The following CACNA2D4 variants were observed in gnomAD, a reference collection of about 807,000 sequenced individuals.
CACNA2D4 encodes calcium voltage-gated channel auxiliary subunit alpha2delta 4, also known as voltage-dependent calcium channel subunit alpha-2/delta-4.
CACNA2D4 carries 157 observed loss-of-function variants against 163.8 expected under a neutral mutation model. The observed-to-expected ratio is 0.96, with a 90% CI of 0.84 to 1.09. The LOEUF (loss-of-function observed/expected upper bound fraction) is 1.09. Among genes scored for constraint, CACNA2D4 ranks in the 50% least tolerant of loss-of-function variants. CACNA2D4 has a pLI of 0.00. For missense variants in CACNA2D4, 1,410 were observed against 1,479.9 expected (o/e 0.95, Z 0.78); for synonymous variants, 598 against 586.9 (o/e 1.02, Z -0.27).
chr12:1,812,105 T>C (rs1435146785), intron 26 of CACNA2D4, among the ~76,000 whole-genome samples: 1 of 152,188 alleles, frequency 6.6e-6, no homozygotes. Context: ...ACCCACCCTT[T>C]TGACCAAATC....
At chr12:1,898,497 A>T (rs1490707096) in intron 6 of CACNA2D4, among the ~76,000 whole-genome samples, 1 of 152,196 alleles carries the variant, frequency 6.6e-6, no homozygotes, top group African/African-American at 2.4e-5. Context: ...TTAATCATTA[A>T]GGGCATGCAA....
chr12:1,886,320 C>G lies in CACNA2D4; in HGVS notation c.896G>C (p.Ser299Thr). The change falls in exon 8 of 38, where the codon AGC becomes ACC. Residue 299 changes from serine to threonine, a missense_variant. Physicochemically the swap from Ser to Thr is moderately conservative, Grantham distance 58 (BLOSUM62 1). Transcript: ENST00000382722. ...PKDIVILVDV[S>T]GSMKGLRMTI... ...CATCCTCAGCCCCTTCATACTGCCG[C>G]TCACGTCCACCAAAATCACTATGTC... is the stretch of plus-strand genomic sequence containing the variant. 1.2e-6 allele frequency: 2 copies of G among 1,613,922 alleles called. No individual in the cohort carries two copies. Among genetic ancestry groups the G allele is most frequent in the Non-Finnish European group, 1.7e-6 (2 of 1,179,832 alleles).
intron 26 of CACNA2D4, among the ~76,000 whole-genome samples, chr12:1,840,516 T>A (rs1864994852): frequency 6.6e-6 from 1 of 152,156 alleles, no homozygotes; most frequent in South Asian, 2.1e-4. Context: ...TCTCCTAGCC[T>A]CTCTGGGCTT....
chr12:1,899,252 AT>A (rs1398020291), intron 6 of CACNA2D4, among the ~76,000 whole-genome samples: 2 of 152,090 alleles, frequency 1.3e-5, no homozygotes, highest in African/African-American at 4.8e-5. Flanking sequence ...TATGTGTCTC[AT>A]TTAAGAAGTC....
At chr12:1,854,232 T>C (rs1281403527) in intron 22 of CACNA2D4, among the ~76,000 whole-genome samples, 188 bp from the exon 23 acceptor site, 2 of 152,162 alleles carry the variant, frequency 1.3e-5, no homozygotes, top group Non-Finnish European at 2.9e-5. Context: ...CTCCAAAAAA[T>C]ATGTCAGTAC....
At chr12:1,899,407 A>G (rs1290472254) in intron 6 of CACNA2D4, among the ~76,000 whole-genome samples, 1 of 152,120 alleles carries the variant, frequency 6.6e-6, no homozygotes, top group African/African-American at 2.4e-5. Flanking sequence ...CAAAATAAAG[A>G]AATCTATAGG....
intron 26 of CACNA2D4, chr12:1,831,297 C>T (rs1437973503): frequency 1.2e-6 from 2 of 1,613,774 alleles, no homozygotes. Flanking sequence ...GCTGCTCCGC[C>T]ACCTGGACCT....
In CACNA2D4 at chr12:1,826,281, A is replaced by G. The variant is rs556737236; in HGVS notation, c.2551+14458T>C. 1.6e-4 allele frequency among the ~76,000 whole-genome samples: 24 copies of G among 152,106 alleles called. No individual in the cohort carries two copies. In the South Asian group the frequency reaches 4.6e-3, roughly 29 times the overall value. ...CAACTCTCTTCCCTTCACTAGATTG[A>G]TCCTCATAGAAACTCCACCAAGCAG... On this transcript the variant is annotated intron_variant, in intron 26 of 37. Coordinates refer to ENST00000382722, the MANE Select transcript of CACNA2D4 (RefSeq NM_172364.5).
intron 6 of CACNA2D4, among the ~76,000 whole-genome samples, chr12:1,902,082 C>T (rs1866550973): frequency 6.6e-6 from 1 of 152,100 alleles, no homozygotes; most frequent in Admixed American, 6.5e-5. Flanking sequence ...CAATATAATA[C>T]ATCTTACCAA....
chr12:1,906,360 A>G (rs1283198304), intron 6 of CACNA2D4, among the ~76,000 whole-genome samples: 1 of 152,246 alleles, frequency 6.6e-6, no homozygotes, highest in African/African-American at 2.4e-5. Context: ...TCAAAAGACA[A>G]TATGAACAGA....
rs1448617266 is a variant in CACNA2D4 at position 1,917,986 on chromosome 12, T to C, written c.227+261A>G. The C allele has an allele frequency of 1.6e-5, 7 of 424,326 alleles. No individual in the cohort carries two copies. Among genetic ancestry groups the C allele is most frequent in the Non-Finnish European group, 2.5e-5 (6 of 237,700 alleles). 26.3% of individuals were successfully genotyped at this position (424,326 alleles called of 1,614,324 possible). A position where few individuals can be genotyped will look rare whatever the true frequency, so the allele number is the denominator to read the frequency against. ...CAGGCCAGGAAGACAGCAGCCCTGATGATCAGTTCTTCCTAAAGCCATCCG... is the reference window on the plus strand; with the variant it reads ...CAGGCCAGGAAGACAGCAGCCCTGACGATCAGTTCTTCCTAAAGCCATCCG... On this transcript the variant is annotated intron_variant, in intron 1 of 37. Coordinates refer to ENST00000382722, the MANE Select transcript of CACNA2D4 (RefSeq NM_172364.5). The surrounding 1 kb of genome is among the most constrained non-coding windows in gnomAD (Gnocchi z 4.3).
In CACNA2D4 at chr12:1,806,513, A is replaced by C. The variant is rs1200775550; in HGVS notation, c.2721+3765T>G. On this transcript the variant is annotated intron_variant, in intron 29 of 37. Transcript: ENST00000382722. This position sits in a 1 kb window ranked among gnomAD's most constrained non-coding sequence, Gnocchi z 4.1. ...TGTGCAAGGACTTTGTCTGGGAAGA[A>C]TCTTTGCATCTGTAGCTCAACAGGC... is the stretch of plus-strand genomic sequence containing the variant. Among the ~76,000 whole-genome samples the C allele has an allele frequency of 1.3e-5, 2 of 152,170 alleles. No homozygotes were observed. Among genetic ancestry groups the C allele is most frequent in the African/African-American group, 4.8e-5 (2 of 41,458 alleles).
At chr12:1,879,747 G>T in intron 14 of CACNA2D4, 57 bp downstream of exon 14, 2 of 1,353,052 alleles carry the variant, frequency 1.5e-6, no homozygotes, top group Non-Finnish European at 2.1e-6. Flanking sequence ...TCTAAAGATG[G>T]CACTGAAGCC....
intron 6 of CACNA2D4, 142 bp downstream of exon 6, chr12:1,907,298 A>C: frequency 1.5e-6 from 1 of 676,152 alleles, no homozygotes; most frequent in South Asian, 2.0e-5. Flanking sequence ...GAAGGGCTAA[A>C]GTGTGGGCTT....
chr12:1,874,592 C>G lies in CACNA2D4; in HGVS notation c.1878+12G>C. The G allele has an allele frequency of 6.3e-7, 1 of 1,598,896 alleles. No homozygotes were observed. Among genetic ancestry groups the G allele is most frequent in the Non-Finnish European group, 8.6e-7 (1 of 1,166,208 alleles). ...TTCCTAGGCCATGCCCTGGCTGTTT[C>G]TAGCTCCTTACCCCTTTATCCATCG... On this transcript the variant is annotated intron_variant, in intron 18 of 37. Coordinates refer to ENST00000382722, the MANE Select transcript of CACNA2D4 (RefSeq NM_172364.5). The surrounding 1 kb of genome is among the most constrained non-coding windows in gnomAD (Gnocchi z 4.4).
chr12:1,817,178 G>A (rs1456958307), intron 26 of CACNA2D4, among the ~76,000 whole-genome samples: 1 of 152,228 alleles, frequency 6.6e-6, no homozygotes, highest in African/African-American at 2.4e-5. Flanking sequence ...TTAGGTCACA[G>A]AAGGCCAGTG....
chr12:1,874,427 G>T lies in CACNA2D4; in HGVS notation c.1878+177C>A, dbSNP rs1865843156. Reference sequence around the variant, plus strand: ...GAGCAATCCTGTCATTCCCTGGCTAGGTGTTTCTCCAGGGCCAATGCACCC... The same window carrying T: ...GAGCAATCCTGTCATTCCCTGGCTATGTGTTTCTCCAGGGCCAATGCACCC... On this transcript the variant is annotated intron_variant, in intron 18 of 37. Transcript: ENST00000382722. This position sits in a 1 kb window ranked among gnomAD's most constrained non-coding sequence, Gnocchi z 4.4. 6.6e-6 allele frequency among the ~76,000 whole-genome samples: 1 copy of T among 152,180 alleles called. No homozygotes were observed. Among genetic ancestry groups the T allele is most frequent in the South Asian group, 2.1e-4 (1 of 4,832 alleles).
At chr12:1,797,759 C>T (rs1024659714) in intron 34 of CACNA2D4, 1 of 589,110 alleles carries the variant, frequency 1.7e-6, no homozygotes, top group South Asian at 2.0e-5. Context: ...GCCGCAGGGG[C>T]CCTGAGCCTC....
Position 1,874,695 on chromosome 12 carries a change from G to A in CACNA2D4, c.1807-20C>T. On this transcript the variant is annotated intron_variant, in intron 17 of 37. Coordinates refer to ENST00000382722, the MANE Select transcript of CACNA2D4 (RefSeq NM_172364.5). This position sits in a 1 kb window ranked among gnomAD's most constrained non-coding sequence, Gnocchi z 4.4. ...TCTCAGCTTCAGGAGGAAAGACAAT[G>A]GCATTAGTTCCTTGGCTCACAGGGG... The A allele has an allele frequency of 1.7e-5, 26 of 1,573,260 alleles. No homozygotes were observed. The highest frequency in any genetic ancestry group is 2.3e-5 in the Non-Finnish European group (26 of 1,143,044).
Sources: allele counts gnomAD v4.1 joint callset (sites outside exome capture counted in the v4.1 genomes callset), GRCh38; gene constraint gnomAD v4.1.1; non-coding constraint Gnocchi (gnomAD v3.1); transcripts MANE v1.5; gene names NCBI Gene and HGNC (gene_info 2026-07-23, HGNC 2026-07-21).